The following FRAS1 variants were observed in gnomAD, a reference collection of about 807,000 sequenced individuals.
FRAS1 encodes extracellular matrix organizing protein FRAS1.
Under a neutral mutation model 435.2 loss-of-function variants are expected in FRAS1, and 290 were observed. The observed-to-expected ratio is 0.67, with a 90% CI of 0.61 to 0.73. The LOEUF is 0.73. Ranked by LOEUF, FRAS1 falls within the 30% of genes least tolerant of loss-of-function variation. The pLI is 0.00. For missense variants in FRAS1, 4,860 were observed against 5,001.5 expected (o/e 0.97, Z 0.85); for synonymous variants, 1,800 against 1,851.0 (o/e 0.97, Z 0.71).
rs1223122679 is a variant in FRAS1 at position 78,108,551 on chromosome 4, C to A, written c.108+42535C>A. On this transcript the variant is annotated intron_variant, in intron 2 of 73. Coordinates refer to ENST00000512123, the MANE Select transcript of FRAS1 (RefSeq NM_025074.7). ...AAATAAAGATGTTCTTTGAAACCAA[C>A]GAGAACAAAGACACCACATGCCAGA... 2.9e-5 allele frequency among the ~76,000 whole-genome samples: 3 copies of A among 102,312 alleles called. 1 individual carries two copies. Among genetic ancestry groups the A allele is most frequent in the Non-Finnish European group, 5.8e-5 (3 of 51,352 alleles). The allele number at this position is 102,312 out of a possible 152,430, so 67.1% of individuals were successfully genotyped here. A position where few individuals can be genotyped will look rare whatever the true frequency, so the allele number is the denominator to read the frequency against.
At chr4:78,090,505 C>G (rs1741461649) in intron 2 of FRAS1, among the ~76,000 whole-genome samples, 1 of 152,084 alleles carries the variant, frequency 6.6e-6, no homozygotes, top group South Asian at 2.1e-4. Context: ...ATTGTCAGAT[C>G]TGGTTAAGTC....
intron 29 of FRAS1, among the ~76,000 whole-genome samples, chr4:78,399,409 C>T (rs545805105): frequency 1.3e-4 from 20 of 152,294 alleles, no homozygotes; most frequent in Non-Finnish European, 2.5e-4. Flanking sequence ...ACCATCCCTT[C>T]TAAGATGCCC....
At chr4:78,531,277 A>G (rs886383336) in intron 70 of FRAS1, among the ~76,000 whole-genome samples, 1 of 152,218 alleles carries the variant, frequency 6.6e-6, no homozygotes, top group African/African-American at 2.4e-5. Context: ...CAATCATGTC[A>G]TCTGCAAACA....
chr4:78,139,278 G>A (rs548030497), intron 2 of FRAS1, among the ~76,000 whole-genome samples: 1 of 152,198 alleles, frequency 6.6e-6, no homozygotes, highest in African/African-American at 2.4e-5. Flanking sequence ...GGATACAGAG[G>A]AATAAAGAAA....
At chr4:78,483,964 A>G (rs915730255) in intron 58 of FRAS1, among the ~76,000 whole-genome samples, 5 of 151,714 alleles carry the variant, frequency 3.3e-5, no homozygotes, top group Non-Finnish European at 5.9e-5. Context: ...GTTTTGACAA[A>G]TGTATACAGT....
intron 47 of FRAS1, among the ~76,000 whole-genome samples, chr4:78,461,934 T>C (rs1031160967): frequency 2.0e-5 from 3 of 151,478 alleles, no homozygotes; most frequent in Non-Finnish European, 4.4e-5. Context: ...AGCGATTCAT[T>C]GGTCGCTTTG....
At chr4:78,181,964 A>G in intron 2 of FRAS1, 1 of 1,596,278 alleles carries the variant, frequency 6.3e-7, no homozygotes, top group Non-Finnish European at 8.5e-7. Context: ...CAGCACCTCG[A>G]AGGGGTCCGA....
chr4:78,419,925 A>T (rs747936301), intron 33 of FRAS1, among the ~76,000 whole-genome samples: 7 of 152,138 alleles, frequency 4.6e-5, no homozygotes, highest in Non-Finnish European at 1.0e-4. Context: ...TATCACCAGG[A>T]CAGCACCCAG....
intron 2 of FRAS1, among the ~76,000 whole-genome samples, chr4:78,154,190 A>G (rs1052925639): frequency 1.3e-5 from 2 of 152,146 alleles, no homozygotes; most frequent in Non-Finnish European, 2.9e-5. Context: ...TATATTCAGA[A>G]ATAACCCTAC....
rs147213084 is a variant in FRAS1, at chr4:78,276,096, G to A, written c.982-2559G>A. Among the ~76,000 whole-genome samples, 823 of 152,162 alleles carry A rather than the reference G, an allele frequency of 5.4e-3. 10 individuals carry two copies. Among genetic ancestry groups the A allele is most frequent in the African/African-American group, 0.018 (762 of 41,510 alleles). On this transcript the variant is annotated intron_variant, in intron 9 of 73. Transcript: ENST00000512123. ...TCAATCACTGATACTCTTTCTTCCA[G>A]TTGATCAAATCAGCTACTGAAGCTT...
intron 2 of FRAS1, among the ~76,000 whole-genome samples, chr4:78,186,868 A>G (rs1722291466): frequency 6.6e-6 from 1 of 152,216 alleles, no homozygotes; most frequent in African/African-American, 2.4e-5. Context: ...CCTAAACTCC[A>G]GCAGAAGTTT....
chr4:78,432,300 A>G, intron 37 of FRAS1, 57 bp from the exon 38 acceptor site: 1 of 1,505,434 alleles, frequency 6.6e-7, no homozygotes. Flanking sequence ...GGTGCTATAT[A>G]ATGAAAAGCA....
At chr4:78,113,156 C>G (rs1186915158) in intron 2 of FRAS1, among the ~76,000 whole-genome samples, 2 of 152,148 alleles carry the variant, frequency 1.3e-5, no homozygotes, top group Non-Finnish European at 2.9e-5. Context: ...AGGACATGAA[C>G]TCATCATTTT....
At position 78,517,878 on chromosome 4, in the gene FRAS1, G is replaced by A. The variant is rs1474671703; in HGVS notation, c.10390-1453G>A. On this transcript the variant is annotated intron_variant, in intron 66 of 73. Transcript: ENST00000512123. ...AGTTCTGATAGTGTGATTGGAGCAG[G>A]TGTATTTAGCAAAACCTGTGTATAA... is the stretch of plus-strand genomic sequence containing the variant. Among the ~76,000 whole-genome samples, 8 of 152,124 alleles carry A rather than the reference G, an allele frequency of 5.3e-5. 1 individual carries two copies. Among genetic ancestry groups the A allele is most frequent in the Admixed American group, 5.2e-4 (8 of 15,264 alleles).
At chr4:78,122,274 G>C (rs1719074701) in intron 2 of FRAS1, among the ~76,000 whole-genome samples, 1 of 152,106 alleles carries the variant, frequency 6.6e-6, no homozygotes, top group Non-Finnish European at 1.5e-5. Context: ...ATGGTTTCCA[G>C]CTTCATCCAT....
At chr4:78,358,706 C>A (rs1447421140) in intron 20 of FRAS1, among the ~76,000 whole-genome samples, 1 of 152,066 alleles carries the variant, frequency 6.6e-6, no homozygotes, top group Non-Finnish European at 1.5e-5. Flanking sequence ...ATCTGAGATG[C>A]AGACAAAGAT....
intron 1 of FRAS1, among the ~76,000 whole-genome samples, chr4:78,065,081 T>TATACACACAC (rs1553915420): frequency 2.9e-3 from 357 of 124,520 alleles, no homozygotes; most frequent in Middle Eastern, 8.8e-3. Flanking sequence ...TATATATATA[T>TATACACACAC]ATACATACAC....
At chr4:78,436,295 T>C (rs1198060658) in intron 38 of FRAS1, among the ~76,000 whole-genome samples, 1 of 152,162 alleles carries the variant, frequency 6.6e-6, no homozygotes, top group Admixed American at 6.5e-5. Context: ...AGGGAAAGCA[T>C]ATTAAAACCA....
chr4:78,444,445 C>T (rs1718720019), intron 41 of FRAS1, among the ~76,000 whole-genome samples: 1 of 152,108 alleles, frequency 6.6e-6, no homozygotes, highest in African/African-American at 2.4e-5. Context: ...ATGACACTGT[C>T]TATAATTCAG....
Sources: gnomAD v4.1 joint callset for allele counts (sites outside exome capture counted in the v4.1 genomes callset) on GRCh38, gnomAD v4.1.1 for gene constraint, MANE v1.5 for transcripts, NCBI Gene and HGNC (gene_info 2026-07-23, HGNC 2026-07-21) for gene names.